HADHA: variants seen among roughly 807,000 people sequenced by gnomAD.
HADHA encodes the protein hydroxyacyl-CoA dehydrogenase trifunctional multienzyme complex subunit alpha, also known as trifunctional enzyme subunit alpha, mitochondrial.
Under a neutral mutation model 91.3 loss-of-function variants are expected in HADHA, and 59 were observed. The observed-to-expected ratio is 0.65, with a 90% CI of 0.52 to 0.80. The LOEUF (loss-of-function observed/expected upper bound fraction) is 0.80, where lower values mean the gene tolerates loss of function less well. Among genes scored for constraint, HADHA ranks in the 30% least tolerant of loss-of-function variants. The pLI is 0.00. For missense variants in HADHA, 800 were observed against 927.6 expected (o/e 0.86, Z 1.79); for synonymous variants, 320 against 338.9 (o/e 0.94, Z 0.61).
intron 10 of HADHA, 108 bp from the exon 11 acceptor site, chr2:26,209,997 G>C: frequency 1.3e-6 from 1 of 757,478 alleles, no homozygotes. Flanking sequence ...TGTGAAGCCT[G>C]AGTCCCTGGG....
chr2:26,238,047 G>T (rs1044480604), intron 3 of HADHA, among the ~76,000 whole-genome samples: 1 of 152,138 alleles, frequency 6.6e-6, no homozygotes, highest in African/African-American at 2.4e-5. Flanking sequence ...TTGCTCTGTG[G>T]CCCAGGCTGG....
At position 26,192,219 on chromosome 2, in the gene HADHA, T is replaced by TAA. The variant is rs34898931; in HGVS notation, c.2000+89_2000+90dup. 1,685 of 657,236 alleles carry TAA rather than the reference T, an allele frequency of 2.6e-3. 1 individual carries two copies. Among genetic ancestry groups the TAA allele is most frequent in the South Asian group, 8.6e-3 (507 of 58,824 alleles). The allele number at this position is 657,236 out of a possible 1,614,324, so 40.7% of individuals were successfully genotyped here. On this transcript the variant is annotated intron_variant, in intron 18 of 19. Transcript: ENST00000380649. The stretch of plus-strand genomic sequence containing the variant: ...ACATGTATCCCAGGACTTAAAGTAT[T>TAA]AAAAAAAAAAAAAAATGGAAGAGGG...
intron 9 of HADHA, among the ~76,000 whole-genome samples, chr2:26,213,541 A>T (rs745906971): frequency 1.5e-4 from 23 of 152,022 alleles, no homozygotes; most frequent in Non-Finnish European, 3.1e-4. Flanking sequence ...CAGCTTCCAT[A>T]ACTTTGCTCT....
At chr2:26,205,307 T>G (rs1237132464) in intron 11 of HADHA, among the ~76,000 whole-genome samples, 1 of 152,242 alleles carries the variant, frequency 6.6e-6, no homozygotes, top group East Asian at 1.9e-4. Context: ...AGTTTCATTC[T>G]TAACCATTCT....
chr2:26,227,841 G>A (rs894727487), intron 7 of HADHA, among the ~76,000 whole-genome samples: 2 of 151,276 alleles, frequency 1.3e-5, no homozygotes, highest in African/African-American at 4.9e-5. Context: ...CCAGAGATAA[G>A]GTCTCCCTCT....
At chr2:26,236,487 C>T (rs62128452) in intron 4 of HADHA, among the ~76,000 whole-genome samples, 25,822 of 149,022 alleles carry the variant, frequency 0.17, 2,687 homozygotes, top group Middle Eastern at 0.26. Context: ...GGTGTGATCT[C>T]GGCTCACTGC....
chr2:26,242,574 T>A (rs1435915824), intron 1 of HADHA, among the ~76,000 whole-genome samples: 2 of 152,218 alleles, frequency 1.3e-5, no homozygotes, highest in African/African-American at 2.4e-5. Context: ...TAATAATATT[T>A]ACTGAGTGCT....
chr2:26,196,180 T>C (rs541261078), intron 14 of HADHA, among the ~76,000 whole-genome samples: 10 of 152,278 alleles, frequency 6.6e-5, no homozygotes, highest in African/African-American at 2.2e-4. Context: ...AAGAGGTTAG[T>C]AGTACAGAGT....
intron 1 of HADHA, 95 bp from the exon 2 acceptor site, chr2:26,239,238 C>T: frequency 1.2e-6 from 1 of 852,728 alleles, no homozygotes; most frequent in Non-Finnish European, 2.0e-6. Flanking sequence ...ATAACAACAA[C>T]AAAAACCCCA....
rs758726265 is a variant in HADHA at position 26,201,217 on chromosome 2, C to T, written c.1324G>A (p.Asp442Asn). The T allele has an allele frequency of 5.2e-5, 84 of 1,613,506 alleles. No individual in the cohort carries two copies. Among genetic ancestry groups the T allele is most frequent in the Middle Eastern group, 1.6e-4 (1 of 6,084 alleles). The change falls in exon 13 of 20, where the codon GAC becomes AAC. Residue 442 changes from aspartate (D) to asparagine (N), a missense_variant. Physicochemically the swap from Asp to Asn is conservative, Grantham distance 23 (BLOSUM62 1). Transcript: ENST00000380649. ...QLDYQGFEKA[D>N]MVIEAVFEDL... is the part of the protein sequence containing the mutation. ...TCAAACACAGCTTCAATCACCATGT[C>T]GGCCTTTTCAAAACCTTGGTAATCA... is the stretch of plus-strand genomic sequence containing the variant.
At chr2:26,194,520 T>C in intron 16 of HADHA, 50 bp downstream of exon 16, 1 of 1,071,650 alleles carries the variant, frequency 9.3e-7, no homozygotes, top group Non-Finnish European at 1.5e-6. Flanking sequence ...AGTTTTAGAG[T>C]GACTGAAGGA....
intron 6 of HADHA, 121 bp downstream of exon 6, chr2:26,232,039 C>G: frequency 1.3e-6 from 1 of 775,484 alleles, no homozygotes; most frequent in South Asian, 1.4e-5. Context: ...GTCACTGATC[C>G]TGTACACTCA....
At chr2:26,217,702 A>G (rs1292998981) in intron 7 of HADHA, among the ~76,000 whole-genome samples, 1 of 152,060 alleles carries the variant, frequency 6.6e-6, no homozygotes, top group African/African-American at 2.4e-5. Flanking sequence ...GGGGTTTGAG[A>G]CCAGTGTGGG....
At chr2:26,204,223 C>G in intron 11 of HADHA, 27 bp from the exon 12 acceptor site, 4 of 1,610,454 alleles carry the variant, frequency 2.5e-6, no homozygotes, top group Non-Finnish European at 3.4e-6. Context: ...AAATGACTTT[C>G]GGTAAACTGA....
At chr2:26,222,137 T>C (rs569568318) in intron 7 of HADHA, among the ~76,000 whole-genome samples, 1 of 152,228 alleles carries the variant, frequency 6.6e-6, no homozygotes, top group South Asian at 2.1e-4. Flanking sequence ...CCTAATCTAA[T>C]CTGACTGGTA....
intron 7 of HADHA, among the ~76,000 whole-genome samples, chr2:26,227,946 G>A: frequency 6.6e-6 from 1 of 151,716 alleles, no homozygotes. Context: ...CTCCCTAGTA[G>A]CCAGGACTAC....
chr2:26,236,766 C>T (rs1233664301), intron 4 of HADHA, 89 bp downstream of exon 4: 1 of 1,037,988 alleles, frequency 9.6e-7, no homozygotes, highest in African/African-American at 1.6e-5. Flanking sequence ...CCCAGCACTT[C>T]TACTTTCTTT....
rs1669610966 is a variant in HADHA, at chr2:26,194,637, T to C, written c.1622A>G (p.Asp541Gly). The stretch of plus-strand genomic sequence containing the variant: ...CCTGGTAGTATAGAAGCCAGGTCCA[T>C]CCTGCCAAGGAAGAGAACATGAGCT... ...KQGKVIIVVK[D>G]GPGFYTTRCL... Residue 541 changes from aspartate (D) to glycine (G), a missense_variant and splice_region_variant, in exon 16 of 20, where the codon GAT becomes GGT. By Grantham distance (94) the Asp-to-Gly change is moderately conservative. Transcript: ENST00000380649. 1.2e-6 allele frequency: 2 copies of C among 1,606,048 alleles called. No individual in the cohort carries two copies. Among genetic ancestry groups the C allele is most frequent in the Non-Finnish European group, 1.7e-6 (2 of 1,173,202 alleles).
At chr2:26,195,063 C>G in intron 15 of HADHA, 29 bp downstream of exon 15, 2 of 1,595,810 alleles carry the variant, frequency 1.3e-6, no homozygotes, top group Non-Finnish European at 1.7e-6. Context: ...TTTTCAAAAA[C>G]TCTGCAGCTC....
Sources: gnomAD v4.1 joint callset for allele counts (sites outside exome capture counted in the v4.1 genomes callset) on GRCh38, gnomAD v4.1.1 for gene constraint, MANE v1.5 for transcripts, NCBI Gene and HGNC (gene_info 2026-07-23, HGNC 2026-07-21) for gene names.